Variants in DEK observed in about 807,000 individuals in gnomAD.
The protein encoded by DEK is DEK proto-oncogene.
In DEK, 28 loss-of-function variants were observed where a neutral mutation model predicts 46.8. The observed-to-expected ratio is 0.60, with a 90% confidence interval of 0.44 to 0.82. The LOEUF is 0.82. Among genes scored for constraint, DEK ranks in the 40% least tolerant of loss-of-function variants. The pLI, the probability that DEK is intolerant of heterozygous loss-of-function variation, is 0.00. For missense variants in DEK, 416 were observed against 430.6 expected (o/e 0.97, Z 0.30); for synonymous variants, 160 against 144.5 (o/e 1.11, Z -0.77).
chr6:18,264,259 C>G (rs1471653597), intron 1 of DEK, 126 bp downstream of exon 1: 1 of 230,630 alleles, frequency 4.3e-6, no homozygotes, highest in Non-Finnish European at 8.3e-6. Context: ...GTTCCCGGCC[C>G]GGCCCGAGCT....
intron 7 of DEK, among the ~76,000 whole-genome samples, chr6:18,238,535 A>G (rs1244613969): frequency 6.6e-6 from 1 of 151,882 alleles, no homozygotes; most frequent in African/African-American, 2.4e-5. Flanking sequence ...TGTCTCTCCT[A>G]AAAATACAAA....
chr6:18,261,728 T>A (rs1002124934), intron 2 of DEK, among the ~76,000 whole-genome samples: 1 of 152,204 alleles, frequency 6.6e-6, no homozygotes, highest in African/African-American at 2.4e-5. Context: ...TGGGAGTAAA[T>A]AACTTGTTTT....
At chr6:18,244,582 T>C (rs1025448336) in intron 7 of DEK, 1 of 1,288,736 alleles carries the variant, frequency 7.8e-7, no homozygotes, top group African/African-American at 1.5e-5. Context: ...CAGAATTCTG[T>C]CCTCACAGCA....
chr6:18,239,105 G>A (rs1790793335), intron 7 of DEK, among the ~76,000 whole-genome samples: 1 of 152,024 alleles, frequency 6.6e-6, no homozygotes, highest in Non-Finnish European at 1.5e-5. Context: ...TGTATTTTTA[G>A]TAGAGACGGG....
chr6:18,226,972 GCATGCTCGTTAA>G (rs1790156439), intron 9 of DEK, among the ~76,000 whole-genome samples: 1 of 152,122 alleles, frequency 6.6e-6, no homozygotes, highest in African/African-American at 2.4e-5. Flanking sequence ...CTTGAAGGCA[GCATGCTCGTTAA>G]CAGTCATCAC....
intron 9 of DEK, among the ~76,000 whole-genome samples, chr6:18,234,355 GA>G (rs1422765626): frequency 6.6e-6 from 1 of 151,554 alleles, no homozygotes; most frequent in Non-Finnish European, 1.5e-5. Context: ...TTAAAAAAAA[GA>G]AAAAAATTGT....
chr6:18,225,926 GCCCA>G, intron 10 of DEK, 196 bp from the exon 11 acceptor site: 2 of 712,616 alleles, frequency 2.8e-6, no homozygotes, highest in Non-Finnish European at 4.5e-6. Flanking sequence ...ACGTTGAGAT[GCCCA>G]GCTACCCAGG....
Position 18,233,063 on chromosome 6 carries a change from T to C in DEK, c.1047+3389A>G, listed in dbSNP as rs140582541. On this transcript the variant is annotated intron_variant, in intron 9 of 10. Transcript: ENST00000652689. The stretch of plus-strand genomic sequence containing the variant: ...AATACCACATACATCTTCAACCATA[T>C]GATCTTTGACAAACCTGACAAAAAC... Among the ~76,000 whole-genome samples, 32 of 152,296 alleles carry C rather than the reference T, an allele frequency of 2.1e-4. No individual in the cohort carries two copies. The East Asian group carries it at 6.2e-3, about 29-fold the overall frequency.
At chr6:18,233,643 G>T (rs1305466714) in intron 9 of DEK, among the ~76,000 whole-genome samples, 1 of 152,118 alleles carries the variant, frequency 6.6e-6, no homozygotes, top group Non-Finnish European at 1.5e-5. Flanking sequence ...AAAACCACAA[G>T]GAGATACCAT....
At chr6:18,242,899 G>A (rs1335845053) in intron 7 of DEK, among the ~76,000 whole-genome samples, 2 of 152,170 alleles carry the variant, frequency 1.3e-5, no homozygotes, top group Non-Finnish European at 2.9e-5. Context: ...AGAACTTTGT[G>A]CTGGCTCTGC....
chr6:18,230,431 G>A (rs1790361248), intron 9 of DEK, among the ~76,000 whole-genome samples: 3 of 152,184 alleles, frequency 2.0e-5, no homozygotes, highest in African/African-American at 4.8e-5. Flanking sequence ...GACACAGACT[G>A]ACAAACTGGA....
chr6:18,256,551 T>C (rs891284228), intron 4 of DEK, 96 bp from the exon 5 acceptor site: 1 of 970,222 alleles, frequency 1.0e-6, no homozygotes, highest in South Asian at 1.7e-5. Context: ...TTTATTTTCA[T>C]ACCTGTCTGT....
intron 7 of DEK, among the ~76,000 whole-genome samples, chr6:18,238,615 T>G (rs1790767497): frequency 6.6e-6 from 1 of 150,768 alleles, no homozygotes; most frequent in Non-Finnish European, 1.5e-5. Context: ...GAGAATTGCT[T>G]GAACCCTGGA....
At position 18,225,553 on chromosome 6, in the gene DEK, GC is replaced by G. The variant is rs1790076482; in HGVS notation, c.*165del. 2 of 639,202 alleles carry G rather than the reference GC, an allele frequency of 3.1e-6. No homozygotes were observed. The highest frequency in any genetic ancestry group is 3.4e-5 in the Admixed American group (1 of 29,774). The allele number at this position is 639,202 out of a possible 1,614,324, so 39.6% of individuals were successfully genotyped here. A position where few individuals can be genotyped will look rare whatever the true frequency, so the allele number is the denominator to read the frequency against. On this transcript the variant is annotated 3_prime_UTR_variant, in exon 11 of 11. Coordinates refer to ENST00000652689, the MANE Select transcript of DEK (RefSeq NM_003472.4). ...TGGCATAGAAATGCAATTTAAAACA[GC>G]AAACTCAAATTCACATAACACTCAA...
intron 6 of DEK, among the ~76,000 whole-genome samples, chr6:18,250,528 A>C (rs1791325628): frequency 6.8e-6 from 1 of 146,520 alleles, no homozygotes; most frequent in African/African-American, 2.5e-5. Context: ...TCCTTGCTTT[A>C]GAAGGCCCAA....
At chr6:18,228,162 A>C (rs1429724631) in intron 9 of DEK, among the ~76,000 whole-genome samples, 1 of 152,140 alleles carries the variant, frequency 6.6e-6, no homozygotes. Context: ...AAATAGTTTC[A>C]ATTTTGCCAG....
chr6:18,247,956 G>C (rs1323058012), intron 7 of DEK, among the ~76,000 whole-genome samples: 2 of 152,254 alleles, frequency 1.3e-5, no homozygotes, highest in East Asian at 3.9e-4. Context: ...ACAGGCATGG[G>C]TCACCATGCC....
chr6:18,226,956 CAG>C (rs1221414981), intron 9 of DEK, among the ~76,000 whole-genome samples: 1 of 152,194 alleles, frequency 6.6e-6, no homozygotes, highest in East Asian at 1.9e-4. Flanking sequence ...CTTTGTTAAA[CAG>C]ATGCTTGAAG....
rs1465644654 is a variant in DEK, at chr6:18,237,556, T to C, written c.763-40A>G. On this transcript the variant is annotated intron_variant, in intron 7 of 10. Transcript: ENST00000652689. ...AGTAAAAGTACACATATTGATGAGA[T>C]TCAATGCTATCCCATCCCATCCCTC... is the stretch of plus-strand genomic sequence containing the variant. 3.2e-6 allele frequency: 5 copies of C among 1,577,160 alleles called. No individual in the cohort carries two copies. In the Admixed American group the frequency reaches 7.7e-5, roughly 24 times the overall value.
Sources: allele counts gnomAD v4.1 joint callset (sites outside exome capture counted in the v4.1 genomes callset), GRCh38; gene constraint gnomAD v4.1.1; transcripts MANE v1.5; gene names NCBI Gene and HGNC (gene_info 2026-07-23, HGNC 2026-07-21).